Variants in INSC observed in about 807,000 individuals in gnomAD.
INSC encodes protein inscuteable homolog.
In INSC, 67 loss-of-function variants were observed where a neutral mutation model predicts 58.6. The observed-to-expected ratio is 1.14, with a 90% CI of 0.94 to 1.40. INSC has a LOEUF of 1.40. INSC is among the 40% of genes most tolerant of loss of function. The pLI is 0.00. For synonymous variants in INSC, 262 were observed against 276.1 expected (o/e 0.95, Z 0.51); for missense variants, 714 against 692.0 (o/e 1.03, Z -0.36).
chr11:15,119,175 A>ACGTGAT (rs1243155639), intron 1 of INSC, among the ~76,000 whole-genome samples: 1 of 152,204 alleles, frequency 6.6e-6, no homozygotes, highest in Non-Finnish European at 1.5e-5. Context: ...CAGGACCTCA[A>ACGTGAT]CGTGATCAGC....
At chr11:15,232,673 T>G (rs1851969753) in intron 9 of INSC, among the ~76,000 whole-genome samples, 1 of 152,182 alleles carries the variant, frequency 6.6e-6, no homozygotes, top group Non-Finnish European at 1.5e-5. Context: ...GCGATTGAGT[T>G]AAGATCTTGA....
chr11:15,135,655 G>T (rs1848228049), intron 1 of INSC, among the ~76,000 whole-genome samples: 1 of 152,178 alleles, frequency 6.6e-6, no homozygotes, highest in South Asian at 2.1e-4. Flanking sequence ...TGTGAGCTGT[G>T]ATATTAATTG....
chr11:15,192,184 C>T (rs979834963), intron 6 of INSC, among the ~76,000 whole-genome samples: 1 of 152,212 alleles, frequency 6.6e-6, no homozygotes, highest in Admixed American at 6.5e-5. Context: ...GACAGCCTCC[C>T]TCCCTCTGGC....
chr11:15,226,562 G>T lies in INSC; in HGVS notation c.1170+734G>T, dbSNP rs563948486. Among the ~76,000 whole-genome samples, 53 of 152,216 alleles carry T rather than the reference G, an allele frequency of 3.5e-4. 2 individuals are homozygous for T. In the South Asian group the frequency reaches 0.011, roughly 31 times the overall value. ...AGGAGTGGGGGTGGTAGATTAGGTG[G>T]TCTCTGTAAATTCTTCCCAGTACCT... On this transcript the variant is annotated intron_variant, in intron 9 of 12. Transcript: ENST00000379556.
At chr11:15,249,381 A>AG (rs1483960179), downstream of INSC, among the ~76,000 whole-genome samples, 4 of 152,156 alleles carry the variant, frequency 2.6e-5, no homozygotes, top group African/African-American at 7.2e-5. Context: ...AGGAGAAGAT[A>AG]GGGGGGTTAT....
intron 2 of INSC, among the ~76,000 whole-genome samples, chr11:15,149,615 T>G (rs551785319): frequency 1.3e-5 from 2 of 152,152 alleles, no homozygotes; most frequent in South Asian, 4.1e-4. Flanking sequence ...AGCATAGAGC[T>G]GATCCTTGGG....
chr11:15,264,189 G>C, the INSC span, among the ~76,000 whole-genome samples: 1 of 116,346 alleles, frequency 8.6e-6, no homozygotes, highest in African/African-American at 3.3e-5. Flanking sequence ...GGCTGTCAGC[G>C]GGGGATAGCC....
intron 9 of INSC, chr11:15,235,156 G>T (rs1020494021): frequency 4.4e-5 from 10 of 226,274 alleles, no homozygotes; most frequent in Non-Finnish European, 5.4e-5. Flanking sequence ...GTAGGTGAGG[G>T]TTAGTATCCA....
rs1328705228 is a variant in INSC, at chr11:15,200,192, A to AC, written c.694-632_694-631insC. On this transcript the variant is annotated intron_variant, in intron 6 of 12. Coordinates refer to ENST00000379556, the MANE Select transcript of INSC (RefSeq NM_001042536.3). Reference sequence around the variant, plus strand: ...ACACACACACACACACACACACACAAACAGGAGTAAACGAGTGAAAATGAT... The same window carrying AC: ...ACACACACACACACACACACACACAACACAGGAGTAAACGAGTGAAAATGAT... Among the ~76,000 whole-genome samples, 3 of 136,268 alleles carry AC rather than the reference A, an allele frequency of 2.2e-5. No individual in the cohort carries two copies. The East Asian group carries it at 7.2e-4, about 33-fold the overall frequency. The allele number at this position is 136,268 out of a possible 152,430, so 89.4% of individuals were successfully genotyped here.
chr11:15,173,705 A>G (rs1201793230), intron 2 of INSC, among the ~76,000 whole-genome samples: 1 of 152,192 alleles, frequency 6.6e-6, no homozygotes, highest in African/African-American at 2.4e-5. Context: ...GAAGGGAGGC[A>G]GAGACAGAGA....
At chr11:15,255,050 G>T in the INSC span, among the ~76,000 whole-genome samples, 3 of 152,252 alleles carry the variant, frequency 2.0e-5, no homozygotes, top group East Asian at 5.8e-4. Context: ...TTACAAATAA[G>T]GGAACTGAGG....
At chr11:15,200,554 C>G (rs1433398504) in intron 6 of INSC, among the ~76,000 whole-genome samples, 1 of 152,048 alleles carries the variant, frequency 6.6e-6, no homozygotes, top group East Asian at 2.0e-4. Context: ...AATATGCCTG[C>G]CTTGGCCCCT....
Position 15,177,085 on chromosome 11 carries a change from A to T in INSC, c.403-26A>T, listed in dbSNP as rs527704400. 19 of 1,606,414 alleles carry T rather than the reference A, an allele frequency of 1.2e-5. No individual in the cohort carries two copies. In the South Asian group the frequency reaches 2.1e-4, roughly 18 times the overall value. On this transcript the variant is annotated intron_variant, in intron 3 of 12. Transcript: ENST00000379556. ...TCCTCAGTTAATGCTTACTGAGTTG[A>T]ATAAAATGGACTTATTTTTCTACAG...
Position 15,177,070 on chromosome 11 carries a change from AT to A in INSC, c.403-40del, listed in dbSNP as rs771637371. On this transcript the variant is annotated intron_variant, in intron 3 of 12. Transcript: ENST00000379556. ...CAGCACAGCAGTTGGTCCTCAGTTAATGCTTACTGAGTTGAATAAAATGGAC... is the reference window on the plus strand; with the variant it reads ...CAGCACAGCAGTTGGTCCTCAGTTAAGCTTACTGAGTTGAATAAAATGGAC... 11 of 1,519,572 alleles carry A rather than the reference AT, an allele frequency of 7.2e-6. No homozygotes were observed. In the Admixed American group the frequency reaches 1.7e-4, roughly 23 times the overall value. The allele number at this position is 1,519,572 out of a possible 1,614,324, so 94.1% of individuals were successfully genotyped here.
chr11:15,225,507 C>T (rs1416967183), intron 8 of INSC, 143 bp from the exon 9 acceptor site: 5 of 796,922 alleles, frequency 6.3e-6, no homozygotes, highest in African/African-American at 1.7e-5. Flanking sequence ...TGTTGCCTCT[C>T]TAGTAGCCAC....
chr11:15,146,298 G>A (rs1848489673), intron 1 of INSC, among the ~76,000 whole-genome samples: 1 of 152,196 alleles, frequency 6.6e-6, no homozygotes, highest in African/African-American at 2.4e-5. Flanking sequence ...TCTTGACCAT[G>A]CAGGTCTTTG....
At chr11:15,194,242 A>G (rs914843509) in intron 6 of INSC, among the ~76,000 whole-genome samples, 1 of 152,144 alleles carries the variant, frequency 6.6e-6, no homozygotes, top group African/African-American at 2.4e-5. Context: ...TGACATCACC[A>G]TTGGAGACAG....
chr11:15,247,830 TATC>T (rs375213470), downstream of INSC, among the ~76,000 whole-genome samples: 8,026 of 151,130 alleles, frequency 0.053, 299 homozygotes, highest in Non-Finnish European at 0.076. Context: ...CTTTTGTTAA[TATC>T]ATTATGATCT....
At chr11:15,189,168 C>T (rs1489965851) in intron 5 of INSC, among the ~76,000 whole-genome samples, 1 of 152,058 alleles carries the variant, frequency 6.6e-6, no homozygotes, top group Non-Finnish European at 1.5e-5. Flanking sequence ...CCTCAAAGCT[C>T]GTAATTTTAA....
Sources: allele counts gnomAD v4.1 joint callset (sites outside exome capture counted in the v4.1 genomes callset), GRCh38; gene constraint gnomAD v4.1.1; transcripts MANE v1.5; gene names NCBI Gene and HGNC (gene_info 2026-07-23, HGNC 2026-07-21).